The following NAA11 variants were observed in gnomAD, a reference collection of about 807,000 sequenced individuals.
The protein encoded by NAA11 is N-alpha-acetyltransferase 11.
Under a neutral mutation model 16.1 loss-of-function variants are expected in NAA11, and 15 were observed. The observed-to-expected ratio is 0.93, with a 90% CI of 0.62 to 1.44. The LOEUF (loss-of-function observed/expected upper bound fraction) is 1.44, where lower values mean the gene tolerates loss of function less well. Among genes scored for constraint, NAA11 ranks in the 40% most tolerant of loss-of-function variants. NAA11 has a pLI of 0.00. For missense variants in NAA11, 298 were observed against 291.3 expected (o/e 1.02, Z -0.17); for synonymous variants, 122 against 112.4 (o/e 1.09, Z -0.54).
the NAA11 span, among the ~76,000 whole-genome samples, chr4:79,170,226 A>G: frequency 6.6e-6 from 1 of 152,130 alleles, no homozygotes; most frequent in African/African-American, 2.4e-5. Context: ...TGAATGCTCT[A>G]CTGTTATTGT....
chr4:79,274,429 G>C (rs1722571528), intron 2 of NAA11, among the ~76,000 whole-genome samples: 1 of 151,992 alleles, frequency 6.6e-6, no homozygotes, highest in Admixed American at 6.6e-5. Flanking sequence ...CTTTGGAAAA[G>C]GTACATTTGC....
chr4:79,281,637 A>G (rs967946232), intron 2 of NAA11, among the ~76,000 whole-genome samples: 5 of 152,110 alleles, frequency 3.3e-5, no homozygotes, highest in African/African-American at 4.8e-5. Flanking sequence ...AAAGAAGGCA[A>G]TAGAGACTGA....
At chr4:79,168,114 T>G in the NAA11 span, among the ~76,000 whole-genome samples, 1 of 151,984 alleles carries the variant, frequency 6.6e-6, no homozygotes, top group Non-Finnish European at 1.5e-5. Flanking sequence ...AGTGAGAACA[T>G]GCAGTGTTTG....
At chr4:79,165,703 T>C in the NAA11 span, among the ~76,000 whole-genome samples, 6 of 152,324 alleles carry the variant, frequency 3.9e-5, no homozygotes, top group East Asian at 1.2e-3. Flanking sequence ...CACAGCTCGC[T>C]TCAAAATGGG....
At chr4:79,269,022 G>A (rs1722419064) in intron 2 of NAA11, among the ~76,000 whole-genome samples, 1 of 117,820 alleles carries the variant, frequency 8.5e-6, no homozygotes, top group African/African-American at 3.8e-5. Context: ...CCCTACAAAG[G>A]ACATGAACTC....
At chr4:79,235,962 T>C (rs1721560406) in intron 2 of NAA11, among the ~76,000 whole-genome samples, 1 of 152,108 alleles carries the variant, frequency 6.6e-6, no homozygotes, top group South Asian at 2.1e-4. Flanking sequence ...CTGGAAGTTA[T>C]GAAGTATTTG....
chr4:79,263,975 C>T (rs531886796), intron 2 of NAA11, among the ~76,000 whole-genome samples: 36 of 152,284 alleles, frequency 2.4e-4, no homozygotes, highest in East Asian at 5.8e-4. Flanking sequence ...TCAAACTCCT[C>T]GCTTTAAGCA....
chr4:79,257,477 T>G (rs1446493317), intron 2 of NAA11, among the ~76,000 whole-genome samples: 2 of 152,192 alleles, frequency 1.3e-5, no homozygotes. Flanking sequence ...TTCCTTTGCT[T>G]TGGTTTTCTT....
intron 2 of NAA11, among the ~76,000 whole-genome samples, chr4:79,290,350 C>G (rs1162674744): frequency 6.6e-6 from 1 of 152,084 alleles, no homozygotes; most frequent in African/African-American, 2.4e-5. Context: ...ATATGAAGCT[C>G]AACAAAGTAA....
At chr4:79,312,076 C>T (rs1357888393), downstream of NAA11, among the ~76,000 whole-genome samples, 2 of 152,154 alleles carry the variant, frequency 1.3e-5, no homozygotes, top group African/African-American at 4.8e-5. Flanking sequence ...TCTTACTAAG[C>T]GACACTGTCC....
intron 2 of NAA11, among the ~76,000 whole-genome samples, chr4:79,282,847 G>C (rs28454198): frequency 0.45 from 68,302 of 151,900 alleles, 15,917 homozygotes; most frequent in Middle Eastern, 0.56. Context: ...CCTAGTAAGA[G>C]AGTGTAGACT....
chr4:79,260,918 C>G (rs1265445982), intron 2 of NAA11, among the ~76,000 whole-genome samples: 1 of 152,162 alleles, frequency 6.6e-6, no homozygotes, highest in African/African-American at 2.4e-5. Context: ...TTTGTAAAGT[C>G]TTTTCAAAAT....
intron 1 of NAA11, among the ~76,000 whole-genome samples, chr4:79,318,215 C>T (rs1487837324): frequency 6.6e-6 from 1 of 152,152 alleles, no homozygotes; most frequent in Non-Finnish European, 1.5e-5. Flanking sequence ...AAATGAAAGG[C>T]CTTTTTAGCT....
At chr4:79,274,849 T>C (rs759145680) in intron 2 of NAA11, among the ~76,000 whole-genome samples, 7 of 152,030 alleles carry the variant, frequency 4.6e-5, no homozygotes, top group Non-Finnish European at 8.8e-5. Flanking sequence ...CACAACTTAG[T>C]GTAATATTCA....
chr4:79,325,255 T>C lies in NAA11; in HGVS notation c.623A>G (p.Glu208Gly). 6.2e-7 allele frequency: 1 copy of C among 1,613,752 alleles called. No homozygotes were observed. The highest frequency in any genetic ancestry group is 8.5e-7 in the Non-Finnish European group (1 of 1,179,782). The change falls in exon 1 of 2, where the codon GAA becomes GGA. Residue 208 changes from glutamate to glycine, a missense_variant. Transcript: ENST00000286794. ...ATEESGSDSK[E>G]PKESVESTNV... is the part of the protein sequence containing the mutation. ...GGTGCTCTCCACAGACTCCTTAGGT[T>C]CTTTGCTGTCACTGCCACTTTCTTC...
chr4:79,202,572 T>G, the NAA11 span, among the ~76,000 whole-genome samples: 1 of 139,690 alleles, frequency 7.2e-6, no homozygotes, highest in Non-Finnish European at 1.6e-5. Context: ...TGTAGTTATA[T>G]ATATATATGT....
intron 1 of NAA11, among the ~76,000 whole-genome samples, chr4:79,299,880 T>G (rs2110000936): frequency 6.6e-6 from 1 of 152,282 alleles, no homozygotes; most frequent in East Asian, 1.9e-4. Flanking sequence ...CTCTACAATA[T>G]CTAAGGAATG....
the NAA11 span, among the ~76,000 whole-genome samples, chr4:79,163,819 C>T: frequency 6.6e-6 from 1 of 152,140 alleles, no homozygotes; most frequent in Admixed American, 6.5e-5. Context: ...AAAGATTACC[C>T]TATTTGTTAT....
At chr4:79,245,832 G>A (rs1721808977) in intron 2 of NAA11, among the ~76,000 whole-genome samples, 1 of 152,186 alleles carries the variant, frequency 6.6e-6, no homozygotes, top group Admixed American at 6.5e-5. Context: ...CGCCACGTCT[G>A]GGAAGTGAGG....
Sources: allele counts gnomAD v4.1 joint callset (sites outside exome capture counted in the v4.1 genomes callset), GRCh38; gene constraint gnomAD v4.1.1; transcripts MANE v1.5; gene names NCBI Gene and HGNC (gene_info 2026-07-23, HGNC 2026-07-21).